Variants in KIF26B observed in about 807,000 individuals in gnomAD.
KIF26B encodes the protein kinesin family member 26B.
A neutral mutation model predicts 151.2 loss-of-function variants in KIF26B; 63 were observed. The observed-to-expected ratio is 0.42, with a 90% CI of 0.34 to 0.51. KIF26B has a LOEUF of 0.51. Ranked by LOEUF, KIF26B falls within the 20% of genes least tolerant of loss-of-function variation. The pLI is 0.07. For missense variants in KIF26B, 2,813 were observed against 2,913.6 expected (o/e 0.97, Z 0.79); for synonymous variants, 1,357 against 1,262.1 (o/e 1.08, Z -1.59).
intron 4 of KIF26B, among the ~76,000 whole-genome samples, chr1:245,445,121 A>G (rs1230762545): frequency 6.6e-6 from 1 of 152,132 alleles, no homozygotes; most frequent in Admixed American, 6.5e-5. Context: ...GGAAGCAAGC[A>G]TGTTATGGTT....
At chr1:245,195,624 C>T (rs1558341116) in intron 2 of KIF26B, among the ~76,000 whole-genome samples, 1 of 152,190 alleles carries the variant, frequency 6.6e-6, no homozygotes, top group East Asian at 1.9e-4. Flanking sequence ...GCCCCTGGGG[C>T]TCCGCTTCAG....
At chr1:245,440,311 C>A (rs1044530380) in intron 4 of KIF26B, among the ~76,000 whole-genome samples, 1 of 151,912 alleles carries the variant, frequency 6.6e-6, no homozygotes, top group Non-Finnish European at 1.5e-5. Flanking sequence ...CATTTGAGAA[C>A]GGGCATTTGG....
chr1:245,176,765 A>G (rs1406126718), intron 2 of KIF26B, among the ~76,000 whole-genome samples: 3 of 152,204 alleles, frequency 2.0e-5, no homozygotes, highest in Non-Finnish European at 4.4e-5. Flanking sequence ...TGACTTTCAG[A>G]TTAGTCTTCC....
At chr1:245,647,141 G>A (rs902294081) in intron 10 of KIF26B, among the ~76,000 whole-genome samples, 1 of 152,150 alleles carries the variant, frequency 6.6e-6, no homozygotes, top group African/African-American at 2.4e-5. Flanking sequence ...AAAGTTTATT[G>A]TAGGCTGGGT....
intron 5 of KIF26B, among the ~76,000 whole-genome samples, chr1:245,591,538 C>T (rs2043289322): frequency 1.3e-5 from 2 of 152,332 alleles, no homozygotes; most frequent in Middle Eastern, 3.4e-3. Flanking sequence ...GGCCGCCTGT[C>T]TCCAGAGCCT....
intron 12 of KIF26B, among the ~76,000 whole-genome samples, chr1:245,697,892 T>G (rs990469788): frequency 3.9e-5 from 6 of 151,912 alleles, no homozygotes; most frequent in African/African-American, 1.5e-4. Context: ...AAACATTTAA[T>G]TAGCTGGGTG....
At chr1:245,443,976 C>G (rs201992860) in intron 4 of KIF26B, among the ~76,000 whole-genome samples, 2 of 116,538 alleles carry the variant, frequency 1.7e-5, no homozygotes, top group African/African-American at 6.3e-5. Context: ...TCACCTAGAG[C>G]GGTCATCTCC....
chr1:245,473,157 T>C (rs1318904266), intron 4 of KIF26B, among the ~76,000 whole-genome samples: 1 of 152,226 alleles, frequency 6.6e-6, no homozygotes, highest in African/African-American at 2.4e-5. Flanking sequence ...AGTAAGAGAA[T>C]AAGCTGAGGG....
chr1:245,664,669 C>T (rs542638033), intron 10 of KIF26B, among the ~76,000 whole-genome samples: 1 of 152,232 alleles, frequency 6.6e-6, no homozygotes, highest in African/African-American at 2.4e-5. Context: ...AAAGAAAATA[C>T]ATCAAAGTAG....
intron 2 of KIF26B, among the ~76,000 whole-genome samples, chr1:245,307,771 C>G (rs1043128075): frequency 2.7e-5 from 4 of 148,334 alleles, no homozygotes; most frequent in Admixed American, 6.8e-5. Context: ...GACGGAGTCT[C>G]GCTCTGTCGC....
Position 245,702,900 on chromosome 1 carries a change from A to T in KIF26B, c.*294A>T. On this transcript the variant is annotated 3_prime_UTR_variant, in exon 15 of 15. Transcript: ENST00000407071. This position sits in a 1 kb window ranked among gnomAD's most constrained non-coding sequence, Gnocchi z 4.1. ...TTAAAGACCTTGTTTGTACATAAGA[A>T]CTGCTAGCAAAAGAGACCTCACTCT... 1 of 331,524 alleles carries T rather than the reference A, an allele frequency of 3.0e-6. No individual in the cohort carries two copies. The highest frequency in any genetic ancestry group is 5.4e-6 in the Non-Finnish European group (1 of 183,576). The allele number at this position is 331,524 out of a possible 1,614,324, so 20.5% of individuals were successfully genotyped here.
chr1:245,584,016 G>C (rs1310526022), intron 5 of KIF26B, among the ~76,000 whole-genome samples: 8 of 152,182 alleles, frequency 5.3e-5, no homozygotes, highest in Non-Finnish European at 1.5e-5. Context: ...TATAGTTCAA[G>C]TATTTGTCCC....
chr1:245,316,569 T>C (rs1573771052), intron 2 of KIF26B, among the ~76,000 whole-genome samples: 4 of 146,528 alleles, frequency 2.7e-5, no homozygotes, highest in Middle Eastern at 3.4e-3. Flanking sequence ...GCCTCTTTTA[T>C]TTTTTTTCTG....
chr1:245,324,529 T>G (rs1671948119), intron 2 of KIF26B, among the ~76,000 whole-genome samples: 1 of 152,200 alleles, frequency 6.6e-6, no homozygotes, highest in Non-Finnish European at 1.5e-5. Context: ...ACAGAGGCTG[T>G]CGAGAATAAA....
chr1:245,345,217 G>T (rs1349576963), intron 2 of KIF26B, among the ~76,000 whole-genome samples: 1 of 152,078 alleles, frequency 6.6e-6, no homozygotes, highest in Non-Finnish European at 1.5e-5. Context: ...GAGCCCACAA[G>T]CCCTCACCCC....
At chr1:245,672,188 T>C (rs1171212109) in intron 10 of KIF26B, among the ~76,000 whole-genome samples, 3 of 152,094 alleles carry the variant, frequency 2.0e-5, no homozygotes, top group African/African-American at 7.2e-5. Context: ...ACAGTCTTGG[T>C]GGCATCGGCG....
At position 245,688,806 on chromosome 1, in the gene KIF26B, A is replaced by G. The variant is rs555832165; in HGVS notation, c.5823A>G (p.Pro1941=). The part of the protein sequence containing the change: ...SLKTPKKRSN[P]GSQRRRLIPA... ...AGACCCCGAAGAAACGCTCCAATCC[A>G]GGTAGGCGGCTGGGCGCAGGGACGC... The change falls in exon 12 of 15, where the codon CCA becomes CCG. Residue 1941 remains proline (P), a splice_region_variant and synonymous_variant. Transcript: ENST00000407071. 53 of 1,569,640 alleles carry G rather than the reference A, an allele frequency of 3.4e-5. No homozygotes were observed. The East Asian group carries it at 3.7e-4, about 11-fold the overall frequency.
intron 4 of KIF26B, among the ~76,000 whole-genome samples, chr1:245,460,426 A>G (rs1659622109): frequency 6.6e-6 from 1 of 152,064 alleles, no homozygotes; most frequent in Non-Finnish European, 1.5e-5. Context: ...TTTCCTTGTA[A>G]CACAGCCACC....
intron 4 of KIF26B, among the ~76,000 whole-genome samples, chr1:245,427,339 G>A (rs1483539486): frequency 6.6e-6 from 1 of 152,220 alleles, no homozygotes; most frequent in Non-Finnish European, 1.5e-5. Flanking sequence ...CAGGCGTGGT[G>A]GCTCACACCT....
Sources: gnomAD v4.1 joint callset for allele counts (sites outside exome capture counted in the v4.1 genomes callset) on GRCh38, gnomAD v4.1.1 for gene constraint, Gnocchi (gnomAD v3.1) non-coding constraint, MANE v1.5 for transcripts, NCBI Gene and HGNC (gene_info 2026-07-23, HGNC 2026-07-21) for gene names.